The following NFIA variants were observed in gnomAD, a reference collection of about 807,000 sequenced individuals.
NFIA encodes nuclear factor 1 A-type.
A neutral mutation model predicts 62.8 loss-of-function variants in NFIA; 8 were observed. That is an observed-to-expected ratio of 0.13 (90% CI 0.07 to 0.23). The LOEUF is 0.23. NFIA is among the 10% of genes least tolerant of loss of function. NFIA has a pLI of 1.00. For missense variants in NFIA, 410 were observed against 642.1 expected, an observed-to-expected ratio of 0.64 and a Z score of 3.91; for synonymous variants, 235 against 238.1, an observed-to-expected ratio of 0.99 and a Z score of 0.12.
At chr1:61,316,204 T>G (rs989289611) in intron 3 of NFIA, among the ~76,000 whole-genome samples, 52 of 152,188 alleles carry the variant, frequency 3.4e-4, no homozygotes, top group African/African-American at 1.2e-3. Flanking sequence ...GTTCTCACTA[T>G]AAAATCTGAG....
intron 2 of NFIA, among the ~76,000 whole-genome samples, chr1:61,141,594 A>T (rs1478398674): frequency 6.6e-6 from 1 of 152,202 alleles, no homozygotes; most frequent in Non-Finnish European, 1.5e-5. Context: ...GAATACTAAC[A>T]TTACTCACAG....
chr1:61,287,264 ACT>A (rs1307872121), intron 3 of NFIA, among the ~76,000 whole-genome samples: 2 of 152,064 alleles, frequency 1.3e-5, no homozygotes, highest in East Asian at 1.9e-4. Flanking sequence ...AAGGAATGAG[ACT>A]CTGATTTGTC....
At chr1:61,155,050 C>A (rs542343407) in intron 2 of NFIA, among the ~76,000 whole-genome samples, 1 of 152,226 alleles carries the variant, frequency 6.6e-6, no homozygotes, top group East Asian at 1.9e-4. Context: ...TCTCCCTAGG[C>A]CTTGGTTTCC....
intron 6 of NFIA, among the ~76,000 whole-genome samples, chr1:61,362,552 G>A (rs879590264): frequency 1.4e-4 from 21 of 152,092 alleles, no homozygotes; most frequent in Admixed American, 1.4e-3. Context: ...GGAAGATTGT[G>A]GAAAGTAAAA....
chr1:61,330,433 T>G (rs1570590059), intron 3 of NFIA, among the ~76,000 whole-genome samples: 2 of 77,220 alleles, frequency 2.6e-5, no homozygotes, highest in African/African-American at 4.2e-5. Flanking sequence ...AGGAAATAGA[T>G]ACACCCCCCC....
chr1:61,394,101 C>G (rs1399317957), intron 7 of NFIA, among the ~76,000 whole-genome samples: 1 of 152,202 alleles, frequency 6.6e-6, no homozygotes, highest in Admixed American at 6.5e-5. Flanking sequence ...AGTGATCCTA[C>G]TATGAATGAG....
intron 7 of NFIA, among the ~76,000 whole-genome samples, chr1:61,398,195 C>T (rs992151295): frequency 4.6e-5 from 7 of 152,180 alleles, no homozygotes; most frequent in African/African-American, 1.4e-4. Context: ...ACTGTAGCAG[C>T]GGAGTTCAGC....
intron 6 of NFIA, among the ~76,000 whole-genome samples, chr1:61,365,518 A>G (rs1663540876): frequency 6.6e-6 from 1 of 152,170 alleles, no homozygotes; most frequent in African/African-American, 2.4e-5. Flanking sequence ...TATAAGAAAA[A>G]CAATTCTCTT....
At chr1:61,367,041 C>G (rs932368034) in intron 6 of NFIA, among the ~76,000 whole-genome samples, 1 of 152,216 alleles carries the variant, frequency 6.6e-6, no homozygotes, top group African/African-American at 2.4e-5. Context: ...CGGTAAACAT[C>G]TGGTCAGTCA....
intron 2 of NFIA, among the ~76,000 whole-genome samples, chr1:61,230,820 G>A (rs1399424418): frequency 6.6e-6 from 1 of 152,174 alleles, no homozygotes; most frequent in East Asian, 1.9e-4. Flanking sequence ...CAGTGCCTCA[G>A]TACTGCAGTG....
At chr1:61,084,240 C>T (rs1407287400) in intron 1 of NFIA, among the ~76,000 whole-genome samples, 1 of 152,178 alleles carries the variant, frequency 6.6e-6, no homozygotes, top group African/African-American at 2.4e-5. Context: ...TTTTCGCTCT[C>T]CTCTCTAGAT....
At chr1:61,437,114 T>G (rs866761156) in intron 10 of NFIA, among the ~76,000 whole-genome samples, 1 of 152,308 alleles carries the variant, frequency 6.6e-6, no homozygotes, top group African/African-American at 2.4e-5. Context: ...CTTAATAATG[T>G]GGGAAGCACC....
intron 3 of NFIA, among the ~76,000 whole-genome samples, chr1:61,295,264 A>C (rs1490948115): frequency 6.6e-6 from 1 of 152,220 alleles, no homozygotes; most frequent in Admixed American, 6.5e-5. Context: ...GCTGACTGAC[A>C]TGAAGAGATC....
At chr1:61,354,855 G>A (rs147232237) in intron 5 of NFIA, among the ~76,000 whole-genome samples, 14 of 152,230 alleles carry the variant, frequency 9.2e-5, no homozygotes, top group African/African-American at 3.1e-4. Flanking sequence ...GAACGACAGC[G>A]TCTAGCTCTT....
At chr1:61,419,244 A>T (rs984880950) in intron 9 of NFIA, among the ~76,000 whole-genome samples, 1 of 152,114 alleles carries the variant, frequency 6.6e-6, no homozygotes, top group East Asian at 1.9e-4. Flanking sequence ...GGAGTTCCAA[A>T]CCAGCCTGAG....
chr1:61,200,350 C>T (rs1254588629), intron 2 of NFIA, among the ~76,000 whole-genome samples: 1 of 151,632 alleles, frequency 6.6e-6, no homozygotes, highest in African/African-American at 2.4e-5. Context: ...TCCTCCTGGA[C>T]TATTGAAAGT....
chr1:61,212,681 A>G (rs1244577416), intron 2 of NFIA, among the ~76,000 whole-genome samples: 5 of 152,182 alleles, frequency 3.3e-5, no homozygotes, highest in Non-Finnish European at 1.5e-5. Context: ...GATGCATAAA[A>G]GAAAATTTAC....
chr1:61,158,126 G>C (rs949710675), intron 2 of NFIA, among the ~76,000 whole-genome samples: 1 of 152,170 alleles, frequency 6.6e-6, no homozygotes. Flanking sequence ...TTATTCTTAA[G>C]CAAATGGAGG....
At chr1:61,437,365 G>T (rs1667376687) in intron 10 of NFIA, among the ~76,000 whole-genome samples, 1 of 152,054 alleles carries the variant, frequency 6.6e-6, no homozygotes, top group Non-Finnish European at 1.5e-5. Flanking sequence ...CTATGGTCTT[G>T]GTACACAGAG....
Sources: gnomAD v4.1 joint callset for allele counts (sites outside exome capture counted in the v4.1 genomes callset) on GRCh38, gnomAD v4.1.1 for gene constraint, MANE v1.5 for transcripts, NCBI Gene and HGNC (gene_info 2026-07-23, HGNC 2026-07-21) for gene names.